The following FAAH2 variants were observed in gnomAD, a reference collection of about 807,000 sequenced individuals.
FAAH2 encodes fatty-acid amide hydrolase 2.
FAAH2 carries 60 observed loss-of-function variants against 36.9 expected under a neutral mutation model. The observed-to-expected ratio is 1.63, with a 90% CI of 1.32 to 2.02. FAAH2 has a LOEUF of 2.02. FAAH2 is among the 30% of genes most tolerant of loss of function. FAAH2 has a pLI of 0.00. For missense variants in FAAH2, 689 were observed against 397.5 expected (o/e 1.73, Z -6.23); for synonymous variants, 214 against 143.8 (o/e 1.49, Z -3.49).
the FAAH2 span, among the ~76,000 whole-genome samples, chrX:57,276,698 AAAG>A: frequency 8.9e-6 from 1 of 111,737 alleles, no homozygotes; most frequent in Non-Finnish European, 1.9e-5. Context: ...ATAGAAGAAA[AAAG>A]AGAAGAATCA....
intron 10 of FAAH2, among the ~76,000 whole-genome samples, chrX:57,473,264 GC>G (rs1322912254): frequency 9.1e-6 from 1 of 110,449 alleles, no homozygotes; most frequent in East Asian, 2.8e-4. Context: ...TTAAATTTCT[GC>G]CTTAATTTCA....
intron 9 of FAAH2, among the ~76,000 whole-genome samples, chrX:57,447,300 T>G: frequency 9.0e-6 from 1 of 111,230 alleles, no homozygotes; most frequent in East Asian, 2.8e-4. Flanking sequence ...TGCTTTCATG[T>G]GTTGGCATTG....
intron 5 of FAAH2, among the ~76,000 whole-genome samples, chrX:57,365,049 G>A (rs1196685083): frequency 9.0e-6 from 1 of 111,665 alleles, no homozygotes; most frequent in African/African-American, 3.3e-5. Flanking sequence ...ATAGCTATTA[G>A]GTCCAATTGA....
At chrX:57,255,345 G>A in the FAAH2 span, among the ~76,000 whole-genome samples, 2 of 111,973 alleles carry the variant, frequency 1.8e-5, no homozygotes, top group Non-Finnish European at 3.8e-5. Flanking sequence ...TCTACCAGAA[G>A]TCCAAAGAGG....
At chrX:57,133,283 G>T in the FAAH2 span, among the ~76,000 whole-genome samples, 2 of 112,682 alleles carry the variant, frequency 1.8e-5, no homozygotes, top group African/African-American at 3.2e-5. Flanking sequence ...TTTCATTCAT[G>T]ATTACATCAT....
At chrX:57,380,825 T>A in intron 6 of FAAH2, 87 bp from the exon 7 acceptor site, 1 of 551,740 alleles carries the variant, frequency 1.8e-6, no homozygotes, top group Non-Finnish European at 2.9e-6. Context: ...AAATACTTCA[T>A]TAGAGCTGAA....
upstream of FAAH2, among the ~76,000 whole-genome samples, chrX:57,286,133 A>T (rs1345811681): frequency 6.3e-5 from 7 of 111,976 alleles, no homozygotes; most frequent in African/African-American, 2.3e-4. Context: ...GAAGACATTC[A>T]CATGGATATG....
chrX:57,188,855 T>C, the FAAH2 span, among the ~76,000 whole-genome samples: 5 of 111,420 alleles, frequency 4.5e-5, no homozygotes, highest in Non-Finnish European at 9.4e-5. Flanking sequence ...ATCTGATAAT[T>C]ATGTGTCTTG....
intron 7 of FAAH2, among the ~76,000 whole-genome samples, chrX:57,427,667 T>A (rs1003263671): frequency 4.5e-5 from 5 of 111,644 alleles, no homozygotes; most frequent in African/African-American, 1.6e-4. Context: ...TATGATCATC[T>A]CCATAGATGC....
chrX:57,419,113 A>T (rs1385570399), intron 7 of FAAH2, among the ~76,000 whole-genome samples: 2 of 108,346 alleles, frequency 1.8e-5, no homozygotes, highest in African/African-American at 6.7e-5. Flanking sequence ...AATCCAGTCT[A>T]TCATTGTTGG....
chrX:57,441,231 G>A (rs1359081725), intron 8 of FAAH2, among the ~76,000 whole-genome samples: 1 of 111,245 alleles, frequency 9.0e-6, no homozygotes, highest in Non-Finnish European at 1.9e-5. Context: ...AATCTGTCTG[G>A]TTCTGGATTT....
At chrX:57,166,140 C>G in the FAAH2 span, among the ~76,000 whole-genome samples, 1 of 109,730 alleles carries the variant, frequency 9.1e-6, no homozygotes, top group South Asian at 4.2e-4. Context: ...GAGGAGAGTA[C>G]AGCCTCTGAG....
rs201116546 is a variant in FAAH2, at chrX:57,405,210, G to C, written c.996+24181G>C. ...TCATGGTCACCAAATGTTACCGGGG[G>C]ATCCTTGCTCCCAGAGCTCCCAAGA... On this transcript the variant is annotated intron_variant, in intron 7 of 10. Transcript: ENST00000374900. Among the ~76,000 whole-genome samples the C allele has an allele frequency of 5.4e-5, 6 of 111,505 alleles. No homozygotes were observed. The East Asian group carries it at 1.7e-3, about 32-fold the overall frequency.
intron 7 of FAAH2, among the ~76,000 whole-genome samples, chrX:57,418,104 G>A (rs1029524608): frequency 1.4e-4 from 16 of 111,328 alleles, no homozygotes; most frequent in East Asian, 2.8e-4. Context: ...ATGCCCTATC[G>A]ACTTCAGACT....
the FAAH2 span, among the ~76,000 whole-genome samples, chrX:57,203,703 G>C: frequency 8.9e-6 from 1 of 111,948 alleles, no homozygotes; most frequent in Non-Finnish European, 1.9e-5. Flanking sequence ...ATTTTAATGG[G>C]TTACTAGCTG....
chrX:57,244,730 C>T, the FAAH2 span, among the ~76,000 whole-genome samples: 2 of 111,618 alleles, frequency 1.8e-5, no homozygotes, highest in Non-Finnish European at 3.8e-5. Flanking sequence ...CTGAAGGAAG[C>T]CCTAAACATG....
At chrX:57,312,594 C>T (rs1396177424) in intron 3 of FAAH2, among the ~76,000 whole-genome samples, 3 of 109,692 alleles carry the variant, frequency 2.7e-5, no homozygotes, top group Non-Finnish European at 5.7e-5. Flanking sequence ...GTAGGAGAAT[C>T]GCTTGAACCT....
chrX:57,348,146 GCCTCA>G (rs1225079687), intron 5 of FAAH2, among the ~76,000 whole-genome samples: 1 of 110,154 alleles, frequency 9.1e-6, no homozygotes, highest in East Asian at 2.9e-4. Context: ...CTTTGCCTTT[GCCTCA>G]GAGAATGCAT....
chrX:57,478,601 T>G (rs2057317739), intron 10 of FAAH2, among the ~76,000 whole-genome samples: 1 of 112,048 alleles, frequency 8.9e-6, no homozygotes, highest in Non-Finnish European at 1.9e-5. Flanking sequence ...GGTTTTCTTC[T>G]AGGGTTTTTA....
Sources: allele counts gnomAD v4.1 joint callset (sites outside exome capture counted in the v4.1 genomes callset), GRCh38; gene constraint gnomAD v4.1.1; transcripts MANE v1.5; gene names NCBI Gene and HGNC (gene_info 2026-07-23, HGNC 2026-07-21).